RALGAPB: variants seen among roughly 807,000 people sequenced by gnomAD.
The protein encoded by RALGAPB is Ral GTPase activating protein non-catalytic subunit beta.
Under a neutral mutation model 161.1 loss-of-function variants are expected in RALGAPB, and 25 were observed. The observed-to-expected ratio is 0.16, with a 90% CI of 0.11 to 0.22. The LOEUF (loss-of-function observed/expected upper bound fraction) is 0.22, where lower values mean the gene tolerates loss of function less well. Ranked by LOEUF, RALGAPB falls within the 10% of genes least tolerant of loss-of-function variation. The probability of loss-of-function intolerance (pLI) is 1.00; values close to 1 mark genes in which losing one functional copy is unlikely to be tolerated. For missense variants in RALGAPB, 1,391 were observed against 1,815.2 expected (o/e 0.77, Z 4.25); for synonymous variants, 629 against 626.1 (o/e 1.00, Z -0.07).
At chr20:38,546,918 A>G (rs771147987) in intron 19 of RALGAPB, 27 of 155,698 alleles carry the variant, frequency 1.7e-4, no homozygotes, top group Non-Finnish European at 3.6e-4. Flanking sequence ...TTTCCTCTGT[A>G]TTTTCCCAAT....
At chr20:38,526,529 C>T (rs779858135) in intron 13 of RALGAPB, among the ~76,000 whole-genome samples, 4 of 152,132 alleles carry the variant, frequency 2.6e-5, no homozygotes, top group Non-Finnish European at 4.4e-5. Flanking sequence ...CAGAACCTTA[C>T]TTTATATCCC....
At chr20:38,570,743 A>G in intron 27 of RALGAPB, 26 bp from the exon 28 acceptor site, 6 of 1,433,726 alleles carry the variant, frequency 4.2e-6, no homozygotes, top group Non-Finnish European at 5.9e-6. Flanking sequence ...GGAGATATTA[A>G]TTGTAATGCT....
At chr20:38,530,339 A>G (rs58195405) in intron 13 of RALGAPB, among the ~76,000 whole-genome samples, 1,593 of 152,320 alleles carry the variant, frequency 0.01, 22 homozygotes, top group African/African-American at 0.036. Context: ...ATCTTTGTTT[A>G]CATTTCTCTG....
intron 4 of RALGAPB, among the ~76,000 whole-genome samples, chr20:38,498,035 C>T (rs1458117057): frequency 6.8e-6 from 1 of 147,390 alleles, no homozygotes; most frequent in Non-Finnish European, 1.5e-5. Context: ...TGCCACTGCT[C>T]TCCAGCCTGG....
At position 38,560,561 on chromosome 20, in the gene RALGAPB, G is replaced by C. The variant is rs142614008; in HGVS notation, c.3532-1971G>C. Among the ~76,000 whole-genome samples the C allele has an allele frequency of 5.5e-4, 84 of 152,318 alleles. 1 individual carries two copies. The highest frequency in any genetic ancestry group is 1.9e-3 in the African/African-American group (80 of 41,566). On this transcript the variant is annotated intron_variant, in intron 23 of 29. Transcript: ENST00000262879. ...GAGACCGATGGAGTCAAGTGTTTTAGAAGAAGCTCAGTAAAATTGGATTAA... is the reference window on the plus strand; with the variant it reads ...GAGACCGATGGAGTCAAGTGTTTTACAAGAAGCTCAGTAAAATTGGATTAA...
chr20:38,478,122 A>T (rs894387403), intron 1 of RALGAPB, among the ~76,000 whole-genome samples: 4 of 152,282 alleles, frequency 2.6e-5, no homozygotes, highest in African/African-American at 9.6e-5. Context: ...ACCTTGTCTC[A>T]AAAAGAGAAA....
intron 10 of RALGAPB, 41 bp from the exon 11 acceptor site, chr20:38,524,737 T>A (rs770882656): frequency 6.8e-7 from 1 of 1,464,808 alleles, no homozygotes; most frequent in African/African-American, 1.4e-5. Context: ...TGAAAACTTT[T>A]GATCAGCAGT....
In RALGAPB at chr20:38,558,422, A is replaced by G. The variant is rs1023955758; in HGVS notation, c.3500A>G (p.Tyr1167Cys). Reference sequence around the variant, plus strand: ...CCTTTTGACACAGTTTTTATTTTCTATATGAAGCCAGGTCAGAAAACGAAC... The same window carrying G: ...CCTTTTGACACAGTTTTTATTTTCTGTATGAAGCCAGGTCAGAAAACGAAC... ...CRPFDTVFIF[Y>C]MKPGQKTNQE... The change falls in exon 23 of 30, where the codon TAT becomes TGT. Residue 1167 changes from tyrosine to cysteine, a missense_variant. Coordinates refer to ENST00000262879, the MANE Select transcript of RALGAPB (RefSeq NM_020336.4). The G allele has an allele frequency of 1.9e-6, 3 of 1,599,324 alleles. No homozygotes were observed. Among genetic ancestry groups the G allele is most frequent in the Non-Finnish European group, 1.7e-6 (2 of 1,172,392 alleles).
chr20:38,492,254 G>A (rs571186071), intron 2 of RALGAPB, among the ~76,000 whole-genome samples: 26 of 152,220 alleles, frequency 1.7e-4, no homozygotes, highest in African/African-American at 5.8e-4. Flanking sequence ...TACGACTGCC[G>A]GCAGCCTAGT....
At chr20:38,571,992 A>G (rs558969761) in intron 28 of RALGAPB, among the ~76,000 whole-genome samples, 2 of 152,214 alleles carry the variant, frequency 1.3e-5, no homozygotes, top group South Asian at 2.1e-4. Context: ...TTTTAATAGT[A>G]TAATTAATTG....
At chr20:38,570,960 A>G in intron 28 of RALGAPB, 113 bp downstream of exon 28, 1 of 685,246 alleles carries the variant, frequency 1.5e-6, no homozygotes, top group Middle Eastern at 2.7e-4. Flanking sequence ...AGAAATAAAA[A>G]CAAAAAAGAT....
chr20:38,532,659 T>C (rs1196244910), intron 14 of RALGAPB, 71 bp from the exon 15 acceptor site: 1 of 1,557,288 alleles, frequency 6.4e-7, no homozygotes, highest in Non-Finnish European at 8.8e-7. Context: ...ACATGGTTTT[T>C]AATGATTGAC....
Position 38,562,621 on chromosome 20 carries a change from A to G in RALGAPB, c.3621A>G (p.Arg1207=). 1 of 1,614,010 alleles carries G rather than the reference A, an allele frequency of 6.2e-7. No individual in the cohort carries two copies. Among genetic ancestry groups the G allele is most frequent in the Non-Finnish European group, 8.5e-7 (1 of 1,179,910 alleles). ...LSLGWSVDVG[R]HPGWTGHVST... ...TTGGCTGGTCAGTAGATGTGGGCAG[A>G]CACCCTGGTTGGACTGGGCATGTTT... The change falls in exon 24 of 30, where the codon AGA becomes AGG. Residue 1207 remains arginine (R), a synonymous_variant. Coordinates refer to ENST00000262879, the MANE Select transcript of RALGAPB (RefSeq NM_020336.4).
chr20:38,561,849 C>T (rs2087796567), intron 23 of RALGAPB, among the ~76,000 whole-genome samples: 1 of 152,126 alleles, frequency 6.6e-6, no homozygotes, highest in African/African-American at 2.4e-5. Flanking sequence ...GTTATGACAA[C>T]CAAAAATGTC....
chr20:38,499,448 T>G lies in RALGAPB; in HGVS notation c.555T>G (p.Gly185=). 1 of 1,590,578 alleles carries G rather than the reference T, an allele frequency of 6.3e-7. No homozygotes were observed. Among genetic ancestry groups the G allele is most frequent in the African/African-American group, 1.4e-5 (1 of 73,896 alleles). The change falls in exon 5 of 30, where the codon GGT becomes GGG. Residue 185 remains glycine (G), a splice_region_variant and synonymous_variant. Coordinates refer to ENST00000262879, the MANE Select transcript of RALGAPB (RefSeq NM_020336.4). ...DILLAPPTVQ[G]GIAENLAEKL... is the part of the protein sequence containing the mutation. Reference sequence around the variant, plus strand: ...ATGTGTTTTCTTTTTGTTGGTAAGGTGGCATTGCTGAGAATCTAGCAGAGA... The same window carrying G: ...ATGTGTTTTCTTTTTGTTGGTAAGGGGGCATTGCTGAGAATCTAGCAGAGA...
Position 38,525,483 on chromosome 20 carries a change from C to T in RALGAPB, c.1867C>T (p.Pro623Ser). ...SSINILLSLL[P>S]LPHHFGTVKS... Reference sequence around the variant, plus strand: ...CATTAATATCCTGCTTTCTTTGTTGCCCCTCCCTCATCATTTTGGCACAGT... The same window carrying T: ...CATTAATATCCTGCTTTCTTTGTTGTCCCTCCCTCATCATTTTGGCACAGT... Residue 623 changes from proline (P) to serine (S), a missense_variant, in exon 12 of 30, where the codon CCC becomes TCC. Physicochemically the swap from Pro to Ser is moderately conservative, Grantham distance 74. Transcript: ENST00000262879. 3 of 1,609,084 alleles carry T rather than the reference C, an allele frequency of 1.9e-6. No individual in the cohort carries two copies. The highest frequency in any genetic ancestry group is 2.5e-6 in the Non-Finnish European group (3 of 1,177,582).
chr20:38,541,465 C>A (rs971217663), intron 18 of RALGAPB, among the ~76,000 whole-genome samples: 1 of 152,040 alleles, frequency 6.6e-6, no homozygotes, highest in Non-Finnish European at 1.5e-5. Context: ...TAGAGCTAGA[C>A]TTACTGTACC....
At chr20:38,505,576 A>G (rs1371214567) in intron 5 of RALGAPB, among the ~76,000 whole-genome samples, 1 of 152,202 alleles carries the variant, frequency 6.6e-6, no homozygotes, top group Non-Finnish European at 1.5e-5. Flanking sequence ...AAGGGAAAGG[A>G]TTATGACTTG....
At chr20:38,534,979 G>T in intron 15 of RALGAPB, 95 bp from the exon 16 acceptor site, 2 of 1,434,378 alleles carry the variant, frequency 1.4e-6, no homozygotes, top group South Asian at 1.3e-5. Flanking sequence ...CACTGTGGCT[G>T]CTGTGGTCTG....
Sources: gnomAD v4.1 joint callset for allele counts (sites outside exome capture counted in the v4.1 genomes callset) on GRCh38, gnomAD v4.1.1 for gene constraint, MANE v1.5 for transcripts, NCBI Gene and HGNC (gene_info 2026-07-23, HGNC 2026-07-21) for gene names.